Variants in DIPK2A observed in about 807,000 individuals in gnomAD.
The protein encoded by DIPK2A is divergent protein kinase domain 2A.
A neutral mutation model predicts 39.0 loss-of-function variants in DIPK2A; 27 were observed. The ratio of observed to expected loss-of-function variants is 0.69; its 90% CI spans 0.51 to 0.96. The LOEUF (loss-of-function observed/expected upper bound fraction) is 0.96. Among genes scored for constraint, DIPK2A ranks in the 40% least tolerant of loss-of-function variants. The pLI, the probability that DIPK2A is intolerant of heterozygous loss-of-function variation, is 0.00. For synonymous variants in DIPK2A, 298 were observed against 240.8 expected, an observed-to-expected ratio of 1.24 and a Z score of -2.20; for missense variants, 528 against 571.3, an observed-to-expected ratio of 0.92 and a Z score of 0.77.
At position 143,972,807 on chromosome 3, in the gene DIPK2A, G is replaced by C. The variant is rs1576804059; in HGVS notation, c.475G>C (p.Glu159Gln). 1 of 1,564,382 alleles carries C rather than the reference G, an allele frequency of 6.4e-7. No homozygotes were observed. Among genetic ancestry groups the C allele is most frequent in the South Asian group, 1.2e-5 (1 of 86,310 alleles). The change falls in exon 1 of 3, where the codon GAG becomes CAG. Residue 159 changes from glutamate (E) to glutamine (Q), a missense_variant. Around this residue, in one of 2 missense-constraint regions of DIPK2A, gnomAD observed 309 missense variants for 289.8 expected, o/e 1.07. Transcript: ENST00000315691. Reference sequence around the variant, plus strand: ...CGGCGACGTGCGTCTGCTCACGCCCGAGGCGGTGGAGGGCTGGTCGGACCT... The same window carrying C: ...CGGCGACGTGCGTCTGCTCACGCCCCAGGCGGTGGAGGGCTGGTCGGACCT... ...LNGDVRLLTP[E>Q]AVEGWSDLVH...
chr3:143,973,209 T>C, intron 1 of DIPK2A: 1 of 1,035,664 alleles, frequency 9.7e-7, no homozygotes, highest in Non-Finnish European at 1.4e-6. Flanking sequence ...TTACCTAGAT[T>C]CGGGCGCATT....
rs761831211 is a variant in DIPK2A, at chr3:143,989,590, G to A, written c.1042G>A (p.Glu348Lys). ...GGAGGCTTGCTTATCATTTTCAAAA[G>A]AAATTCTTTGTGCTCGTGCCACTGT... Reference protein sequence around the residue: ...DKEACLSFSKEILCARATVDH... With the variant: ...DKEACLSFSKKILCARATVDH... The change falls in exon 3 of 3, where the codon GAA (glutamate) becomes AAA (lysine). Residue 348 changes from glutamate to lysine, a missense_variant. By Grantham distance (56) the Glu-to-Lys change is moderately conservative. Coordinates refer to ENST00000315691, the MANE Select transcript of DIPK2A (RefSeq NM_173552.5). The A allele has an allele frequency of 5.6e-6, 9 of 1,614,192 alleles. No homozygotes were observed. The highest frequency in any genetic ancestry group is 5.9e-6 in the Non-Finnish European group (7 of 1,180,014).
At chr3:143,985,392 GAAAAAA>G in intron 1 of DIPK2A, 145 bp from the exon 2 acceptor site, 1 of 680,852 alleles carries the variant, frequency 1.5e-6, no homozygotes, top group Non-Finnish European at 2.4e-6. Flanking sequence ...TATGAGTTAG[GAAAAAA>G]TGAAGTTAAT....
rs911275487 is a variant in DIPK2A, at chr3:143,990,000, C to T, written c.*159C>T. On this transcript the variant is annotated 3_prime_UTR_variant, in exon 3 of 3. Coordinates refer to ENST00000315691, the MANE Select transcript of DIPK2A (RefSeq NM_173552.5). ...AATGTTAACATCCATCAAAATAAGA[C>T]ATTACTTCAAAAATCACATGATGCT... 3.3e-6 allele frequency: 2 copies of T among 611,802 alleles called. No individual in the cohort carries two copies. Among genetic ancestry groups the T allele is most frequent in the Admixed American group, 3.0e-5 (1 of 33,060 alleles). The allele number at this position is 611,802 out of a possible 1,614,324, so 37.9% of individuals were successfully genotyped here. A position where few individuals can be genotyped will look rare whatever the true frequency, so the allele number is the denominator to read the frequency against.
intron 1 of DIPK2A, among the ~76,000 whole-genome samples, chr3:143,982,599 G>T (rs934536518): frequency 6.6e-6 from 1 of 152,130 alleles, no homozygotes; most frequent in Non-Finnish European, 1.5e-5. Context: ...CCTGAAGGAA[G>T]CCCTGAATAT....
rs1375191969 is a variant in DIPK2A, at chr3:143,990,943, A to AT, written c.*1104dup. ...TTTTATTCATGGGTAGTTTTGCAAA[A>AT]TTAACATGGTAGCCATTGTTTGAAT... On this transcript the variant is annotated 3_prime_UTR_variant, in exon 3 of 3. Coordinates refer to ENST00000315691, the MANE Select transcript of DIPK2A (RefSeq NM_173552.5). 25 of 152,386 alleles carry AT rather than the reference A, an allele frequency of 1.6e-4. No individual in the cohort carries two copies. The highest frequency in any genetic ancestry group is 6.0e-4 in the African/African-American group (25 of 41,456). The allele number at this position is 152,386 out of a possible 1,614,324, so 9.4% of individuals were successfully genotyped here. A position where few individuals can be genotyped will look rare whatever the true frequency, so the allele number is the denominator to read the frequency against.
At chr3:143,981,297 G>A (rs2087825600) in intron 1 of DIPK2A, among the ~76,000 whole-genome samples, 1 of 152,180 alleles carries the variant, frequency 6.6e-6, no homozygotes, top group African/African-American at 2.4e-5. Context: ...TATAGATGAT[G>A]CTATAAAGAC....
intron 2 of DIPK2A, among the ~76,000 whole-genome samples, chr3:143,988,605 T>C (rs1438242876): frequency 6.6e-6 from 1 of 152,204 alleles, no homozygotes; most frequent in Non-Finnish European, 1.5e-5. Flanking sequence ...TTCAAGTACA[T>C]GTGTGCTTAT....
At chr3:143,980,191 C>T (rs2087807219) in intron 1 of DIPK2A, among the ~76,000 whole-genome samples, 2 of 152,186 alleles carry the variant, frequency 1.3e-5, no homozygotes, top group Non-Finnish European at 2.9e-5. Flanking sequence ...TGCGTTACTA[C>T]AATGGGATTT....
In DIPK2A at chr3:143,991,014, A is replaced by ATT. The variant is rs1285826130; in HGVS notation, c.*1174_*1175dup. ...TTCATTTATTGAGGAACTAATCATT[A>ATT]TTACTATAAAGCATACAAATTAGCC... On this transcript the variant is annotated 3_prime_UTR_variant, in exon 3 of 3. Transcript: ENST00000315691. The ATT allele has an allele frequency of 1.3e-5, 2 of 152,364 alleles. No individual in the cohort carries two copies. Among genetic ancestry groups the ATT allele is most frequent in the Non-Finnish European group, 2.9e-5 (2 of 68,008 alleles). The allele number at this position is 152,364 out of a possible 1,614,324, so 9.4% of individuals were successfully genotyped here. A position where few individuals can be genotyped will look rare whatever the true frequency, so the allele number is the denominator to read the frequency against.
chr3:143,978,627 T>TATATATAGATATCTATATAG (rs2087770513), intron 1 of DIPK2A: 2 of 33,218 alleles, frequency 6.0e-5, no homozygotes, highest in Non-Finnish European at 9.8e-5. Context: ...TATATCTATA[T>TATATATAGATATCTATATAG]ATATATATAT....
chr3:143,974,881 T>C (rs1415787119), intron 1 of DIPK2A, among the ~76,000 whole-genome samples: 1 of 152,202 alleles, frequency 6.6e-6, no homozygotes, highest in Non-Finnish European at 1.5e-5. Context: ...GAAGGTTTTA[T>C]ATTTTTTTAA....
Position 143,978,626 on chromosome 3 carries a change from ATATATATATATATC to A in DIPK2A, c.657+5651_657+5664del, listed in dbSNP as rs1559854114. On this transcript the variant is annotated intron_variant, in intron 1 of 2. Coordinates refer to ENST00000315691, the MANE Select transcript of DIPK2A (RefSeq NM_173552.5). ...TCTATATATATATATCTATATCTAT[ATATATATATATATC>A]TATATATATATATATATATCTATAT... 15 of 33,922 alleles carry A rather than the reference ATATATATATATATC, an allele frequency of 4.4e-4. 1 individual carries two copies. In the African/African-American group the frequency reaches 4.6e-3, roughly 10 times the overall value. 2.1% of individuals were successfully genotyped at this position (33,922 alleles called of 1,614,324 possible).
At chr3:143,981,979 G>T (rs2087834198) in intron 1 of DIPK2A, among the ~76,000 whole-genome samples, 1 of 152,092 alleles carries the variant, frequency 6.6e-6, no homozygotes, top group African/African-American at 2.4e-5. Flanking sequence ...TAAAATATTT[G>T]ATTTTGATCT....
chr3:143,972,674 G>A lies in DIPK2A; in HGVS notation c.342G>A (p.Ser114=). 1 of 1,608,722 alleles carries A rather than the reference G, an allele frequency of 6.2e-7. No individual in the cohort carries two copies. The highest frequency in any genetic ancestry group is 8.5e-7 in the Non-Finnish European group (1 of 1,178,078). Residue 114 remains serine (S), a synonymous_variant, in exon 1 of 3, where the codon TCG becomes TCA. Coordinates refer to ENST00000315691, the MANE Select transcript of DIPK2A (RefSeq NM_173552.5). ...RRRVVLKRLG[S]QRELAQLDQS... Reference sequence around the variant, plus strand: ...GAGTGGTGCTCAAGCGCCTCGGCTCGCAGCGCGAGCTGGCGCAGCTCGACC... The same window carrying A: ...GAGTGGTGCTCAAGCGCCTCGGCTCACAGCGCGAGCTGGCGCAGCTCGACC...
intron 1 of DIPK2A, among the ~76,000 whole-genome samples, chr3:143,984,294 C>CT (rs1204056509): frequency 6.6e-6 from 1 of 152,122 alleles, no homozygotes; most frequent in Non-Finnish European, 1.5e-5. Flanking sequence ...CCCTTGCATT[C>CT]ACAGCTTGGC....
chr3:143,989,074 C>T (rs2087945989), intron 2 of DIPK2A, among the ~76,000 whole-genome samples: 1 of 152,208 alleles, frequency 6.6e-6, no homozygotes, highest in South Asian at 2.1e-4. Flanking sequence ...ATGTCCATGT[C>T]TTTGCATATA....
intron 1 of DIPK2A, among the ~76,000 whole-genome samples, chr3:143,980,323 A>C (rs2087809117): frequency 6.6e-6 from 1 of 152,178 alleles, no homozygotes; most frequent in African/African-American, 2.4e-5. Flanking sequence ...GCCGGAGTGC[A>C]GTGGCGTGAT....
chr3:143,986,973 A>G (rs2087911851), intron 2 of DIPK2A, among the ~76,000 whole-genome samples: 1 of 152,166 alleles, frequency 6.6e-6, no homozygotes, highest in African/African-American at 2.4e-5. Context: ...GCCATATATT[A>G]GGTTGACATT....
Sources: gnomAD v4.1 joint callset for allele counts (sites outside exome capture counted in the v4.1 genomes callset) on GRCh38, gnomAD v4.1.1 for gene constraint, gnomAD v4.1.1 regional missense constraint, MANE v1.5 for transcripts, NCBI Gene and HGNC (gene_info 2026-07-23, HGNC 2026-07-21) for gene names.